Variants in RPP40 observed in about 807,000 individuals in gnomAD.
The protein encoded by RPP40 is ribonuclease P/MRP subunit p40.
In RPP40, 30 loss-of-function variants were observed where a neutral mutation model predicts 42.5. That is an observed-to-expected ratio of 0.71 (90% CI 0.53 to 0.96). RPP40 has a LOEUF of 0.96. RPP40 is among the 40% of genes least tolerant of loss of function. RPP40 has a pLI of 0.00. For missense variants in RPP40, 426 were observed against 433.5 expected, an observed-to-expected ratio of 0.98 and a Z score of 0.15; for synonymous variants, 173 against 164.0, an observed-to-expected ratio of 1.05 and a Z score of -0.42.
At chr6:4,995,833 G>A (rs1265804668) in intron 7 of RPP40, 118 bp downstream of exon 7, 1 of 941,364 alleles carries the variant, frequency 1.1e-6, no homozygotes, top group Non-Finnish European at 1.6e-6. Context: ...GGCGATTTGA[G>A]TTCCTTTCAA....
At chr6:4,991,419 A>T (rs867553161), downstream of RPP40, among the ~76,000 whole-genome samples, 4 of 152,240 alleles carry the variant, frequency 2.6e-5, no homozygotes, top group Admixed American at 2.0e-4. Context: ...ACAGCTAAAA[A>T]TTTTTCTCAA....
chr6:5,000,490 C>CTTTT lies in RPP40; in HGVS notation c.337+69_337+72dup, dbSNP rs10631918. The CTTTT allele has an allele frequency of 2.2e-3, 1,529 of 694,568 alleles. 18 individuals carry two copies. Among genetic ancestry groups the CTTTT allele is most frequent in the African/African-American group, 8.2e-3 (403 of 49,324 alleles). The allele number at this position is 694,568 out of a possible 1,614,324, so 43.0% of individuals were successfully genotyped here. A position where few individuals can be genotyped will look rare whatever the true frequency, so the allele number is the denominator to read the frequency against. ...GGCGTGAGCCACCGTGCCCAGCTGACTTTTTTTTTTTTTTTTTTACAGTAT... is the reference window on the plus strand; with the variant it reads ...GGCGTGAGCCACCGTGCCCAGCTGACTTTTTTTTTTTTTTTTTTTTTTACAGTAT... On this transcript the variant is annotated intron_variant, in intron 3 of 7. Transcript: ENST00000380051.
intron 2 of RPP40, chr6:5,001,680 C>A: frequency 1.2e-5 from 2 of 164,360 alleles, no homozygotes; most frequent in Non-Finnish European, 1.3e-5. Flanking sequence ...CACTGGACCC[C>A]AACAAGCACT....
Position 4,996,347 on chromosome 6 carries a change from C to A in RPP40, c.633G>T (p.Leu211=). ...GGCACTGGAGATCTCTCAACGTGCT[C>A]AGTGCTACTTTTGGCTGATGCTCCT... ...QIQEHQPKVA[L]STLRDLQCPV... is the part of the protein sequence containing the mutation. Residue 211 remains leucine, a synonymous_variant, in exon 6 of 8, where the codon CTG becomes CTT. Coordinates refer to ENST00000380051, the MANE Select transcript of RPP40 (RefSeq NM_006638.4). 1 of 1,614,104 alleles carries A rather than the reference C, an allele frequency of 6.2e-7. No homozygotes were observed. Among genetic ancestry groups the A allele is most frequent in the South Asian group, 1.1e-5 (1 of 91,072 alleles).
At chr6:4,993,967 A>G (rs1345760602), downstream of RPP40, among the ~76,000 whole-genome samples, 1 of 152,008 alleles carries the variant, frequency 6.6e-6, no homozygotes, top group African/African-American at 2.4e-5. Context: ...ACCCCAGGCT[A>G]TGAGAAGAAA....
chr6:5,004,012 G>T lies in RPP40; in HGVS notation c.-10C>A. The T allele has an allele frequency of 6.3e-7, 1 of 1,597,466 alleles. No individual in the cohort carries two copies. ...GGCGCAGCGTGGCCATGCTCTCCTG[G>T]GTTCCTGGTCCTCCCGGCCTCCGCT... On this transcript the variant is annotated 5_prime_UTR_variant, in exon 1 of 8. Transcript: ENST00000380051.
rs778513753 is a variant in RPP40, at chr6:5,002,253, A to G, written c.124-8T>C. On this transcript the variant is annotated splice_region_variant and splice_polypyrimidine_tract_variant and intron_variant, in intron 1 of 7. Transcript: ENST00000380051. Reference sequence around the variant, plus strand: ...AGGAATGAGAAATGAAACCTATTGGAATGTGTAATACAAACAAGGTCTTAC... The same window carrying G: ...AGGAATGAGAAATGAAACCTATTGGGATGTGTAATACAAACAAGGTCTTAC... 2 of 1,608,762 alleles carry G rather than the reference A, an allele frequency of 1.2e-6. No homozygotes were observed. Among genetic ancestry groups the G allele is most frequent in the Non-Finnish European group, 1.7e-6 (2 of 1,177,840 alleles).
chr6:4,994,876 A>T lies in RPP40; in HGVS notation c.*202T>A, dbSNP rs1759321266. ...ACCCTGTGCTTATGTTGACAGAGAG[A>T]AATCAACTATGAGCTATTCACTGGA... On this transcript the variant is annotated 3_prime_UTR_variant, in exon 8 of 8. Coordinates refer to ENST00000380051, the MANE Select transcript of RPP40 (RefSeq NM_006638.4). 1 of 577,792 alleles carries T rather than the reference A, an allele frequency of 1.7e-6. No individual in the cohort carries two copies. Among genetic ancestry groups the T allele is most frequent in the Admixed American group, 3.0e-5 (1 of 32,848 alleles). 35.8% of individuals were successfully genotyped at this position (577,792 alleles called of 1,614,324 possible).
downstream of RPP40, among the ~76,000 whole-genome samples, chr6:4,994,194 A>G (rs1759303477): frequency 6.8e-6 from 1 of 146,464 alleles, no homozygotes. Flanking sequence ...GGAATTGAAC[A>G]ATGAGAACAC....
At chr6:4,994,397 A>T (rs1325906987), downstream of RPP40, among the ~76,000 whole-genome samples, 2 of 36,064 alleles carry the variant, frequency 5.5e-5, no homozygotes, top group Admixed American at 3.2e-4. Context: ...AAAGTATAAT[A>T]AAAAAAAAAT....
downstream of RPP40, among the ~76,000 whole-genome samples, chr6:4,990,506 C>T (rs950733141): frequency 1.3e-5 from 2 of 152,084 alleles, no homozygotes; most frequent in African/African-American, 4.8e-5. Flanking sequence ...TTCTTTGAGT[C>T]AGGGCCTTGA....
At chr6:4,997,020 T>G (rs1759405072) in intron 5 of RPP40, among the ~76,000 whole-genome samples, 1 of 152,218 alleles carries the variant, frequency 6.6e-6, no homozygotes, top group Non-Finnish European at 1.5e-5. Context: ...TACTGTCCCT[T>G]ACAAAGGACT....
At position 5,000,619 on chromosome 6, in the gene RPP40, G is replaced by A; in HGVS notation, c.281C>T (p.Ala94Val). Reference sequence around the variant, plus strand: ...ATCAATATGTGTATTGTATGTTAGTGCATAGCAAGAACCTGGAAGAGAAAG... The same window carrying A: ...ATCAATATGTGTATTGTATGTTAGTACATAGCAAGAACCTGGAAGAGAAAG... The part of the protein sequence containing the change: ...STFIKKGSCY[A>V]LTYNTHIDED... The change falls in exon 3 of 8, where the codon GCA (alanine) becomes GTA (valine). Residue 94 changes from alanine to valine, a missense_variant. Transcript: ENST00000380051. 1 of 1,589,882 alleles carries A rather than the reference G, an allele frequency of 6.3e-7. No individual in the cohort carries two copies. The highest frequency in any genetic ancestry group is 8.6e-7 in the Non-Finnish European group (1 of 1,159,192).
chr6:4,996,342 G>A lies in RPP40; in HGVS notation c.638C>T (p.Thr213Met), dbSNP rs761282652. The A allele has an allele frequency of 3.2e-5, 51 of 1,613,972 alleles. No homozygotes were observed. Among genetic ancestry groups the A allele is most frequent in the Non-Finnish European group, 4.1e-5 (48 of 1,180,032 alleles). Residue 213 changes from threonine to methionine, a missense_variant, in exon 6 of 8, where the codon ACG becomes ATG. Coordinates refer to ENST00000380051, the MANE Select transcript of RPP40 (RefSeq NM_006638.4). ...CACTGGGCACTGGAGATCTCTCAACGTGCTCAGTGCTACTTTTGGCTGATG... is the reference window on the plus strand; with the variant it reads ...CACTGGGCACTGGAGATCTCTCAACATGCTCAGTGCTACTTTTGGCTGATG... ...QEHQPKVALS[T>M]LRDLQCPVLQ...
chr6:4,995,623 C>T (rs1215997535), intron 7 of RPP40, among the ~76,000 whole-genome samples: 1 of 152,152 alleles, frequency 6.6e-6, no homozygotes, highest in African/African-American at 2.4e-5. Flanking sequence ...TTAACTGAAA[C>T]GTTGCAGGAT....
At position 4,994,802 on chromosome 6, in the gene RPP40, TC is replaced by T. The variant is rs1300732287; in HGVS notation, c.*275del. 4 of 386,116 alleles carry T rather than the reference TC, an allele frequency of 1.0e-5. No individual in the cohort carries two copies. The highest frequency in any genetic ancestry group is 1.9e-5 in the Non-Finnish European group (4 of 215,400). 23.9% of individuals were successfully genotyped at this position (386,116 alleles called of 1,614,324 possible). Reference sequence around the variant, plus strand: ...CAATGGAGTGAGATGGGGACCAATATCCCCGGTCCCTGGACATCCTGGCCCA... The same window carrying T: ...CAATGGAGTGAGATGGGGACCAATATCCCGGTCCCTGGACATCCTGGCCCA... On this transcript the variant is annotated 3_prime_UTR_variant, in exon 8 of 8. Coordinates refer to ENST00000380051, the MANE Select transcript of RPP40 (RefSeq NM_006638.4).
chr6:4,991,830 T>C (rs570591695), downstream of RPP40, among the ~76,000 whole-genome samples: 80 of 152,200 alleles, frequency 5.3e-4, no homozygotes, highest in African/African-American at 1.8e-3. Flanking sequence ...TGGGAGGTGA[T>C]TGGCTCATGG....
At chr6:4,992,868 TG>T (rs1759280054), downstream of RPP40, among the ~76,000 whole-genome samples, 1 of 152,222 alleles carries the variant, frequency 6.6e-6, no homozygotes, top group Non-Finnish European at 1.5e-5. Flanking sequence ...TATGATTTTT[TG>T]GTATGTCATT....
intron 7 of RPP40, 61 bp downstream of exon 7, chr6:4,995,890 C>T (rs1297944856): frequency 2.6e-6 from 4 of 1,517,378 alleles, no homozygotes; most frequent in East Asian, 4.5e-5. Context: ...AAAATCTATA[C>T]TATTCGACAT....
Sources: allele counts gnomAD v4.1 joint callset (sites outside exome capture counted in the v4.1 genomes callset), GRCh38; gene constraint gnomAD v4.1.1; transcripts MANE v1.5; gene names NCBI Gene and HGNC (gene_info 2026-07-23, HGNC 2026-07-21).